Variants in ZBTB38 observed in about 807,000 individuals in gnomAD.
ZBTB38 encodes zinc finger and BTB domain-containing protein 38.
A neutral mutation model predicts 76.8 loss-of-function variants in ZBTB38; 20 were observed. That is an observed-to-expected ratio of 0.26 (90% CI 0.18 to 0.38). ZBTB38 has a LOEUF of 0.38. ZBTB38 is among the 10% of genes least tolerant of loss of function. The probability of loss-of-function intolerance (pLI) is 1.00; values close to 1 mark genes in which losing one functional copy is unlikely to be tolerated. For synonymous variants in ZBTB38, 504 were observed against 544.2 expected (o/e 0.93, Z 1.03); for missense variants, 1,082 against 1,482.3 (o/e 0.73, Z 4.43).
At chr3:141,421,592 C>T (rs1053151668) in intron 5 of ZBTB38, among the ~76,000 whole-genome samples, 15 of 152,068 alleles carry the variant, frequency 9.9e-5, no homozygotes, top group Middle Eastern at 3.2e-3. Flanking sequence ...AAAGGGCTGT[C>T]GTATGGCAAA....
chr3:141,343,953 G>A (rs961719575), intron 1 of ZBTB38, among the ~76,000 whole-genome samples: 1 of 152,190 alleles, frequency 6.6e-6, no homozygotes, highest in Non-Finnish European at 1.5e-5. Flanking sequence ...GTAGAAGAGA[G>A]AAAACATTGA....
intron 1 of ZBTB38, among the ~76,000 whole-genome samples, chr3:141,332,404 T>C (rs1476418604): frequency 6.6e-6 from 1 of 152,192 alleles, no homozygotes; most frequent in African/African-American, 2.4e-5. Flanking sequence ...TAGTCCCACA[T>C]ACTGGGTGGC....
chr3:141,325,445 T>C (rs899973457), intron 1 of ZBTB38, among the ~76,000 whole-genome samples: 3 of 152,206 alleles, frequency 2.0e-5, no homozygotes, highest in Non-Finnish European at 2.9e-5. Flanking sequence ...AAAGTGGAGA[T>C]AGAAGGGGAG....
At chr3:141,436,647 A>G (rs2150741983) in intron 5 of ZBTB38, among the ~76,000 whole-genome samples, 1 of 152,094 alleles carries the variant, frequency 6.6e-6, no homozygotes, top group Non-Finnish European at 1.5e-5. Flanking sequence ...ACAGGCACTC[A>G]CCACCATGCC....
chr3:141,406,430 G>A (rs930546446), intron 5 of ZBTB38, among the ~76,000 whole-genome samples: 2 of 152,198 alleles, frequency 1.3e-5, no homozygotes, highest in Non-Finnish European at 2.9e-5. Flanking sequence ...TCTCAGTGAA[G>A]GAACAGCTAA....
intron 1 of ZBTB38, among the ~76,000 whole-genome samples, chr3:141,348,141 A>C (rs1016619079): frequency 2.0e-5 from 3 of 152,226 alleles, no homozygotes; most frequent in Admixed American, 6.5e-5. Context: ...AACATTTTAA[A>C]ATGCTTAAAT....
At chr3:141,399,246 G>A (rs141976932) in intron 4 of ZBTB38, among the ~76,000 whole-genome samples, 2 of 152,120 alleles carry the variant, frequency 1.3e-5, no homozygotes, top group Non-Finnish European at 2.9e-5. Flanking sequence ...GTCGGGGTTG[G>A]GTAGCCACCA....
intron 4 of ZBTB38, among the ~76,000 whole-genome samples, chr3:141,401,296 A>C (rs962902444): frequency 5.9e-5 from 9 of 152,294 alleles, no homozygotes; most frequent in African/African-American, 2.2e-4. Flanking sequence ...GGAAGAATAA[A>C]GGGTGCTTGG....
At chr3:141,399,525 C>G (rs925607679) in intron 4 of ZBTB38, among the ~76,000 whole-genome samples, 1 of 152,022 alleles carries the variant, frequency 6.6e-6, no homozygotes, top group Non-Finnish European at 1.5e-5. Context: ...CCTTAAAGTG[C>G]TTGAAGGGAA....
intron 5 of ZBTB38, among the ~76,000 whole-genome samples, chr3:141,417,994 C>A (rs2074462552): frequency 6.6e-6 from 1 of 152,160 alleles, no homozygotes; most frequent in Admixed American, 6.5e-5. Flanking sequence ...GGCCTGGTGA[C>A]AGAGCGAGAC....
chr3:141,353,569 AGAAGGGG>A (rs1047661997), intron 1 of ZBTB38, among the ~76,000 whole-genome samples: 1 of 152,062 alleles, frequency 6.6e-6, no homozygotes, highest in African/African-American at 2.4e-5. Flanking sequence ...GGGGAAGGGG[AGAAGGGG>A]GAAGAAGGAA....
At chr3:141,381,975 G>C (rs561434315) in intron 3 of ZBTB38, among the ~76,000 whole-genome samples, 17 of 152,236 alleles carry the variant, frequency 1.1e-4, no homozygotes, top group African/African-American at 4.1e-4. Flanking sequence ...TTTGGTTGAG[G>C]AAAATCTCTT....
chr3:141,334,444 CT>C (rs1559910895), intron 1 of ZBTB38, among the ~76,000 whole-genome samples: 3 of 74,950 alleles, frequency 4.0e-5, no homozygotes, highest in Non-Finnish European at 6.1e-5. Context: ...TTCCTTCCTT[CT>C]TTCCTTTCTT....
intron 1 of ZBTB38, among the ~76,000 whole-genome samples, chr3:141,326,951 G>T (rs550749047): frequency 6.6e-6 from 1 of 152,180 alleles, no homozygotes; most frequent in African/African-American, 2.4e-5. Flanking sequence ...GGCCTGCTTC[G>T]AAGGGGACCT....
chr3:141,352,146 G>A (rs1175453594), intron 1 of ZBTB38, among the ~76,000 whole-genome samples: 14 of 152,066 alleles, frequency 9.2e-5, no homozygotes, highest in Non-Finnish European at 1.5e-5. Flanking sequence ...CAGATAGTCA[G>A]CAATTCAATA....
intron 1 of ZBTB38, among the ~76,000 whole-genome samples, chr3:141,330,719 G>T (rs1942822209): frequency 6.6e-6 from 1 of 152,214 alleles, no homozygotes; most frequent in Non-Finnish European, 1.5e-5. Context: ...AGAGTTGATT[G>T]AATCATGAGG....
Position 141,443,476 on chromosome 3 carries a change from T to C in ZBTB38, c.1088T>C (p.Leu363Pro), listed in dbSNP as rs2080656849. 3 of 1,614,100 alleles carry C rather than the reference T, an allele frequency of 1.9e-6. No individual in the cohort carries two copies. Among genetic ancestry groups the C allele is most frequent in the South Asian group, 2.2e-5 (2 of 91,084 alleles). ...ACTCTGCTCAGTGCCCACATGCAGC[T>C]TCACAAGCCAACCCAGGAGCCTTTA... ...SSTLLSAHMQ[L>P]HKPTQEPLVC... is the part of the protein sequence containing the mutation. The change falls in exon 6 of 6, where the codon CTT (leucine) becomes CCT (proline). Residue 363 changes from leucine (L) to proline (P), a missense_variant. Leu to Pro is a moderately conservative substitution (Grantham distance 98). Around this residue, in one of 8 missense-constraint regions of ZBTB38, gnomAD observed 324 missense variants for 359.1 expected, o/e 0.90. Coordinates refer to ENST00000321464, the MANE Select transcript of ZBTB38 (RefSeq NM_001376113.1). This position sits in a 1 kb window ranked among gnomAD's most constrained non-coding sequence, Gnocchi z 5.6.
At chr3:141,344,221 T>G (rs1358012707) in intron 1 of ZBTB38, among the ~76,000 whole-genome samples, 2 of 152,220 alleles carry the variant, frequency 1.3e-5, no homozygotes, top group Admixed American at 1.3e-4. Context: ...AAGTCCATCA[T>G]GGGTCCCACT....
intron 1 of ZBTB38, 52 bp downstream of exon 1, chr3:141,368,856 G>C (rs1264135343): frequency 6.6e-6 from 1 of 151,996 alleles, no homozygotes; most frequent in Non-Finnish European, 1.5e-5. Context: ...CTTCACCGTA[G>C]GGCGCCATCT....
Sources: gnomAD v4.1 joint callset for allele counts (sites outside exome capture counted in the v4.1 genomes callset) on GRCh38, gnomAD v4.1.1 for gene constraint, gnomAD v4.1.1 regional missense constraint, Gnocchi (gnomAD v3.1) non-coding constraint, MANE v1.5 for transcripts, NCBI Gene and HGNC (gene_info 2026-07-23, HGNC 2026-07-21) for gene names.